The following MPP4 variants were observed in gnomAD, a reference collection of about 807,000 sequenced individuals.
MPP4 encodes the protein MAGUK p55 subfamily member 4.
Under a neutral mutation model 98.3 loss-of-function variants are expected in MPP4, and 91 were observed. The observed-to-expected ratio is 0.93, with a 90% CI of 0.78 to 1.10. MPP4 has a LOEUF of 1.10. Ranked by LOEUF, MPP4 falls within the 50% of genes least tolerant of loss-of-function variation. The pLI, the probability that MPP4 is intolerant of heterozygous loss-of-function variation, is 0.00. For missense variants in MPP4, 744 were observed against 792.9 expected (o/e 0.94, Z 0.74); for synonymous variants, 261 against 271.8 (o/e 0.96, Z 0.39).
intron 3 of MPP4, among the ~76,000 whole-genome samples, chr2:201,692,279 C>A (rs1689053304): frequency 6.6e-6 from 1 of 152,150 alleles, no homozygotes; most frequent in Non-Finnish European, 1.5e-5. Flanking sequence ...TGTGGTGGCT[C>A]ATGCCTGTAA....
In MPP4 at chr2:201,698,641, A is replaced by G. The variant is rs1463296192; in HGVS notation, c.-155T>C. 1 of 1,300,052 alleles carries G rather than the reference A, an allele frequency of 7.7e-7. No homozygotes were observed. Among genetic ancestry groups the G allele is most frequent in the African/African-American group, 1.5e-5 (1 of 65,734 alleles). 80.5% of individuals were successfully genotyped at this position (1,300,052 alleles called of 1,614,324 possible). On this transcript the variant is annotated 5_prime_UTR_variant, in exon 1 of 22. Transcript: ENST00000409474. The stretch of plus-strand genomic sequence containing the variant: ...CTATCCAGACAAAAGCTTTAGTAGG[A>G]TACTAGTGGCCTGTTAGCTGCCAAA...
At position 201,647,781 on chromosome 2, in the gene MPP4, T is replaced by C. The variant is rs201812468; in HGVS notation, c.1629A>G (p.Ile543Met). 23 of 1,613,950 alleles carry C rather than the reference T, an allele frequency of 1.4e-5. No homozygotes were observed. In the East Asian group the frequency reaches 4.9e-4, roughly 34 times the overall value. The change falls in exon 21 of 22, where the codon ATA (isoleucine) becomes ATG (methionine). Residue 543 changes from isoleucine (I) to methionine (M), a missense_variant. Ile to Met is a conservative substitution (Grantham distance 10). Transcript: ENST00000409474. ...VRTHELKPYVIFIKPSNMRCM... is the reference protein window; with the variant it reads ...VRTHELKPYVMFIKPSNMRCM... ...ACCTCATATTCGATGGCTTTATAAA[T>C]ATGACATAGGGCTTCAGTTCATGGG...
At position 201,675,227 on chromosome 2, in the gene MPP4, G is replaced by C; in HGVS notation, c.974C>G (p.Thr325Ser). Reference sequence around the variant, plus strand: ...CTCACATAGGGTTGACTTGAGGCAGGTGTGAGGCTGGTACGGCTGAGACCA... The same window carrying C: ...CTCACATAGGGTTGACTTGAGGCAGCTGTGAGGCTGGTACGGCTGAGACCA... ...FWWSQPYQPH[T>S]CLKSTLSISM... Residue 325 changes from threonine (T) to serine (S), a missense_variant, in exon 11 of 22, where the codon ACC becomes AGC. Coordinates refer to ENST00000409474, the MANE Select transcript of MPP4 (RefSeq NM_033066.3). The C allele has an allele frequency of 1.2e-6, 2 of 1,609,528 alleles. No homozygotes were observed. Among genetic ancestry groups the C allele is most frequent in the South Asian group, 2.2e-5 (2 of 89,526 alleles).
Position 201,658,476 on chromosome 2 carries a change from C to T in MPP4, c.1129+1G>A. 1.9e-6 allele frequency: 3 copies of T among 1,612,152 alleles called. No individual in the cohort carries two copies. The highest frequency in any genetic ancestry group is 2.5e-6 in the Non-Finnish European group (3 of 1,179,000). On this transcript the variant is annotated splice_donor_variant, in intron 16 of 21. Coordinates refer to ENST00000409474, the MANE Select transcript of MPP4 (RefSeq NM_033066.3). LOFTEE classifies it high-confidence loss of function. ...CCACCTCTTGTTAATTTATCACCTA[C>T]CTATAAAGAACTTCTGACCGTAGCC...
chr2:201,698,554 G>C, intron 1 of MPP4, 33 bp downstream of exon 1: 9 of 1,300,684 alleles, frequency 6.9e-6, no homozygotes, highest in Non-Finnish European at 9.1e-6. Context: ...TACATCTTCT[G>C]GTAACTGAGG....
At chr2:201,652,292 C>G (rs1406260576) in intron 18 of MPP4, among the ~76,000 whole-genome samples, 1 of 152,088 alleles carries the variant, frequency 6.6e-6, no homozygotes, top group Non-Finnish European at 1.5e-5. Flanking sequence ...AACCCCATCT[C>G]TACTAAAACT....
At chr2:201,672,559 A>G (rs1023278106) in intron 11 of MPP4, among the ~76,000 whole-genome samples, 2 of 152,196 alleles carry the variant, frequency 1.3e-5, no homozygotes, top group Non-Finnish European at 2.9e-5. Flanking sequence ...AAAAATGATA[A>G]AGGGGACAAC....
chr2:201,660,417 A>G (rs1480844357), intron 14 of MPP4, 71 bp from the exon 15 acceptor site: 1 of 1,529,100 alleles, frequency 6.5e-7, no homozygotes, highest in Non-Finnish European at 9.1e-7. Context: ...GTTAGCCATC[A>G]AATCAAGGCA....
Position 201,647,777 on chromosome 2 carries a change from TA to T in MPP4, c.1632del (p.Phe544LeufsTer2). ...RTHELKPYVI[F>X]IKPSNMRCMK... ...ATACACCTCATATTCGATGGCTTTA[TA>T]AATATGACATAGGGCTTCAGTTCAT... On this transcript the variant is annotated frameshift_variant, in exon 21 of 22. Coordinates refer to ENST00000409474, the MANE Select transcript of MPP4 (RefSeq NM_033066.3). LOFTEE classifies it high-confidence loss of function. 2.0e-5 allele frequency: 32 copies of T among 1,613,934 alleles called. No homozygotes were observed. Among genetic ancestry groups the T allele is most frequent in the Non-Finnish European group, 2.5e-5 (30 of 1,179,796 alleles).
chr2:201,649,572 C>T lies in MPP4; in HGVS notation c.1584+4G>A. 1 of 1,590,080 alleles carries T rather than the reference C, an allele frequency of 6.3e-7. No individual in the cohort carries two copies. Among genetic ancestry groups the T allele is most frequent in the Non-Finnish European group, 8.6e-7 (1 of 1,166,536 alleles). ...GGGACATAAATATTCCACCATGGAC[C>T]CACCTGAGGCTCTAGGTCCATGACA... On this transcript the variant is annotated splice_donor_region_variant and intron_variant, in intron 20 of 21. Coordinates refer to ENST00000409474, the MANE Select transcript of MPP4 (RefSeq NM_033066.3).
chr2:201,671,134 G>A (rs369873746), intron 11 of MPP4, among the ~76,000 whole-genome samples: 16 of 151,726 alleles, frequency 1.1e-4, no homozygotes, highest in East Asian at 1.9e-4. Flanking sequence ...CTGGGCGGCC[G>A]TTTGGGCAGA....
intron 11 of MPP4, among the ~76,000 whole-genome samples, chr2:201,670,284 G>A (rs1016912476): frequency 6.6e-5 from 10 of 152,208 alleles, no homozygotes; most frequent in African/African-American, 2.4e-4. Context: ...ATTTTTTTGG[G>A]GGGAGGAGGG....
At chr2:201,695,989 C>T (rs947953657) in intron 1 of MPP4, among the ~76,000 whole-genome samples, 1 of 152,160 alleles carries the variant, frequency 6.6e-6, no homozygotes, top group African/African-American at 2.4e-5. Flanking sequence ...GGGTTGAGAA[C>T]CACTGTCTAG....
intron 16 of MPP4, among the ~76,000 whole-genome samples, chr2:201,657,977 T>A (rs2349731): frequency 3.4e-5 from 5 of 147,916 alleles, no homozygotes; most frequent in Non-Finnish European, 7.5e-5. Context: ...TTGTTTTTTT[T>A]TTTTCACGCT....
At chr2:201,698,194 C>T in intron 1 of MPP4, 1 of 584,230 alleles carries the variant, frequency 1.7e-6, no homozygotes. Flanking sequence ...TGCCACAACC[C>T]CCTACCCTTA....
intron 18 of MPP4, chr2:201,651,426 A>G (rs1687709775): frequency 4.1e-6 from 4 of 985,430 alleles, no homozygotes; most frequent in South Asian, 4.7e-5. Flanking sequence ...AATTATGTCA[A>G]TCTAAACCCA....
At chr2:201,688,409 G>A (rs1201793671) in intron 4 of MPP4, among the ~76,000 whole-genome samples, 1 of 152,082 alleles carries the variant, frequency 6.6e-6, no homozygotes, top group African/African-American at 2.4e-5. Flanking sequence ...AATAAACCAG[G>A]GAAGCTGGCT....
At position 201,693,964 on chromosome 2, in the gene MPP4, C is replaced by T. The variant is rs10931969; in HGVS notation, c.-10G>A. 0.053 allele frequency: 85,010 copies of T among 1,613,824 alleles called. 2,514 individuals are homozygous for T. The highest frequency in any genetic ancestry group is 0.082 in the Admixed American group (4,920 of 60,004). ...TGTCTGACTGTATCATCCTCCCTGC[C>T]GGAGCTTCTGAAAGGAATTCAGGAC... On this transcript the variant is annotated 5_prime_UTR_variant, in exon 2 of 22. Transcript: ENST00000409474.
intron 2 of MPP4, 111 bp from the exon 3 acceptor site, chr2:201,693,140 TG>T: frequency 1.6e-6 from 2 of 1,267,592 alleles, no homozygotes; most frequent in Non-Finnish European, 2.1e-6. Flanking sequence ...GAAATGACAC[TG>T]GATCTCAGGC....
Sources: gnomAD v4.1 joint callset for allele counts (sites outside exome capture counted in the v4.1 genomes callset) on GRCh38, gnomAD v4.1.1 for gene constraint, MANE v1.5 for transcripts, NCBI Gene and HGNC (gene_info 2026-07-23, HGNC 2026-07-21) for gene names.